Variants in EXPH5 observed in about 807,000 individuals in gnomAD.
EXPH5 encodes exophilin-5.
A neutral mutation model predicts 41.1 loss-of-function variants in EXPH5; 42 were observed. That is an observed-to-expected ratio of 1.02 (90% CI 0.80 to 1.32). The LOEUF (loss-of-function observed/expected upper bound fraction) is 1.32, where lower values mean the gene tolerates loss of function less well. Among genes scored for constraint, EXPH5 ranks in the 40% most tolerant of loss-of-function variants. The pLI is 0.00. For missense variants in EXPH5, 2,298 were observed against 2,314.5 expected, an observed-to-expected ratio of 0.99 and a Z score of 0.15; for synonymous variants, 798 against 833.5, an observed-to-expected ratio of 0.96 and a Z score of 0.73.
At position 108,514,062 on chromosome 11, in the gene EXPH5, C is replaced by A. The variant is rs866903858; in HGVS notation, c.1445G>T (p.Gly482Val). Residue 482 changes from glycine to valine, a missense_variant, in exon 6 of 6, where the codon GGC becomes GTC. Coordinates refer to ENST00000265843, the MANE Select transcript of EXPH5 (RefSeq NM_015065.3). ...CCAGAAAGAATGTCCTTTCTCTTGG[C>A]CCCAAAAAGGACCTTGTCCAAATCT... Reference protein sequence around the residue: ...QRRFGQGPFWGQEKGHSFWSD... With the variant: ...QRRFGQGPFWVQEKGHSFWSD... The A allele has an allele frequency of 6.2e-7, 1 of 1,613,890 alleles. No individual in the cohort carries two copies. Among genetic ancestry groups the A allele is most frequent in the Non-Finnish European group, 8.5e-7 (1 of 1,179,970 alleles).
intron 4 of EXPH5, among the ~76,000 whole-genome samples, chr11:108,520,441 CA>C (rs2093757809): frequency 6.6e-6 from 1 of 151,842 alleles, no homozygotes; most frequent in Non-Finnish European, 1.5e-5. Flanking sequence ...CAAAGGCACT[CA>C]AAAGTTTGAT....
chr11:108,543,857 T>C (rs146471541), intron 1 of EXPH5, among the ~76,000 whole-genome samples: 47 of 152,344 alleles, frequency 3.1e-4, no homozygotes, highest in African/African-American at 1.1e-3. Flanking sequence ...CACCCTCCGA[T>C]GCGTGGTACT....
At chr11:108,523,355 A>C (rs575191841) in intron 4 of EXPH5, among the ~76,000 whole-genome samples, 7 of 152,072 alleles carry the variant, frequency 4.6e-5, no homozygotes, top group Non-Finnish European at 1.0e-4. Context: ...TGAATAATCT[A>C]TATGGTGGCA....
chr11:108,548,127 A>C (rs939144990), intron 1 of EXPH5, among the ~76,000 whole-genome samples: 16 of 151,648 alleles, frequency 1.1e-4, no homozygotes, highest in Non-Finnish European at 2.1e-4. Flanking sequence ...AAAAAAAAAA[A>C]AAAAAAAAAT....
Position 108,510,823 on chromosome 11 carries a change from A to ACTT in EXPH5, c.4681_4683dup (p.Lys1561dup), listed in dbSNP as rs1316697686. 6.2e-7 allele frequency: 1 copy of ACTT among 1,614,006 alleles called. No homozygotes were observed. Among genetic ancestry groups the ACTT allele is most frequent in the Non-Finnish European group, 8.5e-7 (1 of 1,180,022 alleles). On this transcript the variant is annotated inframe_insertion, in exon 6 of 6. Coordinates refer to ENST00000265843, the MANE Select transcript of EXPH5 (RefSeq NM_015065.3). ...GGAAGTGAAGGTTGATCCCAAGCTGACTTCTGCATTTCATCTTCAGCCTTC... is the reference window on the plus strand; with the variant it reads ...GGAAGTGAAGGTTGATCCCAAGCTGACTTCTTCTGCATTTCATCTTCAGCCTTC...
rs757312754 is a variant in EXPH5 at position 108,514,327 on chromosome 11, G to A, written c.1180C>T (p.Pro394Ser). The A allele has an allele frequency of 7.5e-5, 121 of 1,613,202 alleles. No individual in the cohort carries two copies. The highest frequency in any genetic ancestry group is 9.8e-5 in the Non-Finnish European group (116 of 1,179,614). ...NQEEFLRAPS[P>S]MEIDPADKYV... ...TTGTCAGCGGGATCAATTTCCATTG[G>A]TGATGGTGCCCTCAGGAACTCTTCC... Residue 394 changes from proline to serine, a missense_variant, in exon 6 of 6, where the codon CCA (proline) becomes TCA (serine). Physicochemically the swap from Pro to Ser is moderately conservative, Grantham distance 74. Coordinates refer to ENST00000265843, the MANE Select transcript of EXPH5 (RefSeq NM_015065.3).
chr11:108,552,565 C>T lies in EXPH5; in HGVS notation c.120-10753G>A, dbSNP rs141145063. Among the ~76,000 whole-genome samples, 257 of 152,260 alleles carry T rather than the reference C, an allele frequency of 1.7e-3. 3 individuals are homozygous for T. The highest frequency in any genetic ancestry group is 5.5e-3 in the African/African-American group (227 of 41,544). On this transcript the variant is annotated intron_variant, in intron 1 of 5. Coordinates refer to ENST00000265843, the MANE Select transcript of EXPH5 (RefSeq NM_015065.3). Reference sequence around the variant, plus strand: ...TGGATAATAAAGCCCACTTCAACTCCGTGAATGGCTGTGATAGAGACTGCC... The same window carrying T: ...TGGATAATAAAGCCCACTTCAACTCTGTGAATGGCTGTGATAGAGACTGCC...
At chr11:108,528,695 C>CTTTTTTTTTTTTTTTTTTTT (rs58500316) in intron 3 of EXPH5, among the ~76,000 whole-genome samples, 2 of 106,326 alleles carry the variant, frequency 1.9e-5, no homozygotes, top group Admixed American at 9.6e-5. Flanking sequence ...TTTTCTTTCC[C>CTTTTTTTTTTTTTTTTTTTT]TTTTTTTTTT....
chr11:108,518,478 G>T, intron 4 of EXPH5, 105 bp from the exon 5 acceptor site: 2 of 988,718 alleles, frequency 2.0e-6, no homozygotes, highest in East Asian at 2.7e-5. Context: ...TTAGTCTAAG[G>T]ACTGCAAATC....
upstream of EXPH5, among the ~76,000 whole-genome samples, chr11:108,593,910 T>C (rs1011448020): frequency 7.0e-6 from 1 of 142,574 alleles, no homozygotes; most frequent in Admixed American, 7.0e-5. Flanking sequence ...GCCCCCTATC[T>C]GAGTTGTTAA....
chr11:108,529,188 T>A (rs1422563561), intron 3 of EXPH5, among the ~76,000 whole-genome samples: 1 of 151,988 alleles, frequency 6.6e-6, no homozygotes, highest in Non-Finnish European at 1.5e-5. Context: ...TGCTTTAGGA[T>A]GCTGACTTCT....
intron 1 of EXPH5, among the ~76,000 whole-genome samples, chr11:108,586,209 C>T (rs114039414): frequency 6.6e-6 from 1 of 152,152 alleles, no homozygotes; most frequent in East Asian, 1.9e-4. Context: ...CTCGGCCTCC[C>T]GAAGTGTTGG....
intron 1 of EXPH5, among the ~76,000 whole-genome samples, chr11:108,574,257 T>C: frequency 6.6e-6 from 1 of 151,934 alleles, no homozygotes. Context: ...TGCACGTTCA[T>C]AGTCCTAGCT....
intron 4 of EXPH5, among the ~76,000 whole-genome samples, chr11:108,527,688 T>A (rs2093809174): frequency 6.6e-6 from 1 of 152,202 alleles, no homozygotes; most frequent in Non-Finnish European, 1.5e-5. Context: ...TGAGGAAGCA[T>A]CTCGCTGGGT....
At chr11:108,517,865 TCTC>T (rs1227765749) in intron 5 of EXPH5, among the ~76,000 whole-genome samples, 3 of 152,066 alleles carry the variant, frequency 2.0e-5, no homozygotes, top group African/African-American at 4.8e-5. Context: ...TTCAAGCACT[TCTC>T]CTGCCTCAGC....
At chr11:108,582,582 T>G (rs1285084384) in intron 1 of EXPH5, among the ~76,000 whole-genome samples, 1 of 152,158 alleles carries the variant, frequency 6.6e-6, no homozygotes, top group East Asian at 1.9e-4. Context: ...ATAAAAAGAA[T>G]AGTACATGAT....
At position 108,513,772 on chromosome 11, in the gene EXPH5, T is replaced by C; in HGVS notation, c.1735A>G (p.Thr579Ala). The change falls in exon 6 of 6, where the codon ACA becomes GCA. Residue 579 changes from threonine to alanine, a missense_variant. By Grantham distance (58) the Thr-to-Ala change is moderately conservative (BLOSUM62 0). Coordinates refer to ENST00000265843, the MANE Select transcript of EXPH5 (RefSeq NM_015065.3). ...CCAGTCATGGAGCAAACATTTGGTG[T>C]GCCAAAATGAGGAGTCAACTGGGTC... ...NETQLTPHFG[T>A]PNVCSMTGSS... 1 of 1,603,152 alleles carries C rather than the reference T, an allele frequency of 6.2e-7. No individual in the cohort carries two copies. Among genetic ancestry groups the C allele is most frequent in the Non-Finnish European group, 8.5e-7 (1 of 1,175,734 alleles).
intron 1 of EXPH5, among the ~76,000 whole-genome samples, chr11:108,575,426 A>C (rs1436208255): frequency 6.6e-6 from 1 of 152,260 alleles, no homozygotes; most frequent in East Asian, 1.9e-4. Context: ...GAGATAATTT[A>C]AACTGAATTA....
chr11:108,526,482 C>T (rs1019555710), intron 4 of EXPH5, among the ~76,000 whole-genome samples: 3 of 152,312 alleles, frequency 2.0e-5, no homozygotes, highest in East Asian at 1.9e-4. Flanking sequence ...CCTCAGACCC[C>T]GTGGCTCTCA....
Sources: allele counts gnomAD v4.1 joint callset (sites outside exome capture counted in the v4.1 genomes callset), GRCh38; gene constraint gnomAD v4.1.1; transcripts MANE v1.5; gene names NCBI Gene and HGNC (gene_info 2026-07-23, HGNC 2026-07-21).